Variants in DYNLRB1 observed in about 807,000 individuals in gnomAD.
DYNLRB1 encodes ROBL/LC7-like 1.
In DYNLRB1, 6 loss-of-function variants were observed where a neutral mutation model predicts 13.5. That is an observed-to-expected ratio of 0.44 (90% CI 0.24 to 0.88). DYNLRB1 has a LOEUF of 0.88. Among genes scored for constraint, DYNLRB1 ranks in the 40% least tolerant of loss-of-function variants. The pLI, the probability that DYNLRB1 is intolerant of heterozygous loss-of-function variation, is 0.21. For missense variants in DYNLRB1, 93 were observed against 127.2 expected (o/e 0.73, Z 1.29); for synonymous variants, 43 against 45.0 (o/e 0.96, Z 0.18).
chr20:34,526,507 T>TTC (rs10684716), intron 2 of DYNLRB1, 164 bp downstream of exon 2: 9 of 630,184 alleles, frequency 1.4e-5, no homozygotes, highest in East Asian at 2.9e-5. Flanking sequence ...TTTTTTTTTT[T>TTC]CATTAAGGCT....
At chr20:34,535,536 G>T (rs1343450947) in intron 3 of DYNLRB1, 1 of 788,104 alleles carries the variant, frequency 1.3e-6, no homozygotes, top group Non-Finnish European at 1.5e-6. Flanking sequence ...CACATCTCCT[G>T]CCCGGCTCCC....
chr20:34,525,244 G>A (rs1400186738), intron 1 of DYNLRB1, among the ~76,000 whole-genome samples: 2 of 152,156 alleles, frequency 1.3e-5, no homozygotes, highest in African/African-American at 4.8e-5. Context: ...CCTTTGAGGG[G>A]CTTCTGACTG....
In DYNLRB1 at chr20:34,516,715, A is replaced by G. The variant is rs771308482; in HGVS notation, c.3+254A>G. On this transcript the variant is annotated intron_variant, in intron 1 of 3. Coordinates refer to ENST00000357156, the MANE Select transcript of DYNLRB1 (RefSeq NM_014183.4). ...GGAGCCCAGCCTCGGCCAGGAAGAG[A>G]TGATGGGCGAGGGGTGGGCGGCGGC... The G allele has an allele frequency of 5.2e-6, 8 of 1,533,444 alleles. No homozygotes were observed. In the South Asian group the frequency reaches 9.8e-5, roughly 19 times the overall value. 95.0% of individuals were successfully genotyped at this position (1,533,444 alleles called of 1,614,324 possible). A position where few individuals can be genotyped will look rare whatever the true frequency, so the allele number is the denominator to read the frequency against.
intron 2 of DYNLRB1, among the ~76,000 whole-genome samples, chr20:34,528,461 G>A (rs1213541446): frequency 6.6e-6 from 1 of 152,060 alleles, no homozygotes; most frequent in Non-Finnish European, 1.5e-5. Flanking sequence ...AGGAAGACCA[G>A]GACCATGCCT....
chr20:34,534,582 A>C, intron 2 of DYNLRB1, 46 bp from the exon 3 acceptor site: 1 of 1,520,468 alleles, frequency 6.6e-7, no homozygotes, highest in Non-Finnish European at 8.8e-7. Flanking sequence ...GGAGCTCGGC[A>C]GAAGGGGCTC....
Position 34,526,551 on chromosome 20 carries a change from A to G in DYNLRB1, c.79+208A>G, listed in dbSNP as rs1264971520. 15 of 543,184 alleles carry G rather than the reference A, an allele frequency of 2.8e-5. 1 individual carries two copies. Among genetic ancestry groups the G allele is most frequent in the East Asian group, 3.0e-5 (1 of 33,336 alleles). 33.6% of individuals were successfully genotyped at this position (543,184 alleles called of 1,614,324 possible). A position where few individuals can be genotyped will look rare whatever the true frequency, so the allele number is the denominator to read the frequency against. ...GAAGCAGCGGGAGTGGAGAAGGGAC[A>G]AAGAAATCGGTAACTGGTTGTGAGC... On this transcript the variant is annotated intron_variant, in intron 2 of 3. Transcript: ENST00000357156.
intron 1 of DYNLRB1, among the ~76,000 whole-genome samples, chr20:34,523,927 T>A (rs1979959723): frequency 6.6e-6 from 1 of 152,214 alleles, no homozygotes; most frequent in Admixed American, 6.5e-5. Flanking sequence ...GGGGGCTGTT[T>A]TGGATTTAGA....
intron 1 of DYNLRB1, 142 bp from the exon 2 acceptor site, chr20:34,526,126 T>TG: frequency 1.2e-6 from 1 of 834,310 alleles, no homozygotes; most frequent in South Asian, 1.6e-5. Context: ...CAGATCAGCC[T>TG]GGGGAACTTT....
At chr20:34,540,283 CAG>C (rs983404067) in intron 3 of DYNLRB1, among the ~76,000 whole-genome samples, 1 of 152,202 alleles carries the variant, frequency 6.6e-6, no homozygotes, top group African/African-American at 2.4e-5. Context: ...ACCTGGAAAA[CAG>C]GGGTGAGAAT....
chr20:34,522,027 C>G lies in DYNLRB1; in HGVS notation c.4-4241C>G, dbSNP rs546650660. On this transcript the variant is annotated intron_variant, in intron 1 of 3. Coordinates refer to ENST00000357156, the MANE Select transcript of DYNLRB1 (RefSeq NM_014183.4). ...CACGCCTGGGTGACAGAGTGAGACC[C>G]TATCTCAAAAAAAAAAAAGATTACA... Among the ~76,000 whole-genome samples the G allele has an allele frequency of 3.4e-3, 513 of 151,718 alleles. 1 individual carries two copies. Among genetic ancestry groups the G allele is most frequent in the Non-Finnish European group, 5.4e-3 (370 of 67,892 alleles).
intron 3 of DYNLRB1, among the ~76,000 whole-genome samples, chr20:34,538,751 C>G (rs1233610845): frequency 6.6e-6 from 1 of 152,180 alleles, no homozygotes; most frequent in African/African-American, 2.4e-5. Context: ...AGCCCATCTT[C>G]GTGGGAAGAA....
At chr20:34,532,034 G>C (rs17091883) in intron 2 of DYNLRB1, among the ~76,000 whole-genome samples, 3 of 152,152 alleles carry the variant, frequency 2.0e-5, no homozygotes, top group Admixed American at 2.0e-4. Context: ...GCTAAGGGGC[G>C]GGTTCCCGGC....
At position 34,536,261 on chromosome 20, in the gene DYNLRB1, C is replaced by A. The variant is rs897944431; in HGVS notation, c.247+1466C>A. On this transcript the variant is annotated intron_variant, in intron 3 of 3. Transcript: ENST00000357156. ...CACAAGCATGACCCTGGGCAAGTCG[C>A]AGAACACCTGCAAATCCACATCTGT... 45 of 985,294 alleles carry A rather than the reference C, an allele frequency of 4.6e-5. No homozygotes were observed. In the African/African-American group the frequency reaches 7.7e-4, roughly 17 times the overall value. 61.0% of individuals were successfully genotyped at this position (985,294 alleles called of 1,614,324 possible).
chr20:34,520,895 T>C, intron 1 of DYNLRB1, among the ~76,000 whole-genome samples: 1 of 152,246 alleles, frequency 6.6e-6, no homozygotes, highest in East Asian at 1.9e-4. Context: ...GACCAGTGCT[T>C]TTATGGTTCT....
chr20:34,523,288 C>G (rs1979911310), intron 1 of DYNLRB1, among the ~76,000 whole-genome samples: 1 of 152,178 alleles, frequency 6.6e-6, no homozygotes, highest in South Asian at 2.1e-4. Flanking sequence ...CCCTGCTGTC[C>G]CTTCTCCCCA....
chr20:34,520,617 T>G (rs1332258364), intron 1 of DYNLRB1, among the ~76,000 whole-genome samples: 1 of 152,088 alleles, frequency 6.6e-6, no homozygotes, highest in East Asian at 1.9e-4. Flanking sequence ...CCAGCTAATT[T>G]TTGTATTTTT....
At chr20:34,516,881 A>G (rs1375570372) in intron 1 of DYNLRB1, 2 of 1,508,188 alleles carry the variant, frequency 1.3e-6, no homozygotes, top group Non-Finnish European at 1.8e-6. Context: ...TGTGAGGTAG[A>G]TACAATCTTT....
intron 2 of DYNLRB1, chr20:34,530,834 G>A (rs961092776): frequency 6.6e-6 from 1 of 152,198 alleles, no homozygotes; most frequent in African/African-American, 2.4e-5. Context: ...CTTTCTTGAG[G>A]ACACCCTCAC....
chr20:34,534,932 C>G (rs1981022903), intron 3 of DYNLRB1, 137 bp downstream of exon 3: 2 of 1,521,578 alleles, frequency 1.3e-6, no homozygotes, highest in Middle Eastern at 1.7e-4. Context: ...GGGTTGTTGC[C>G]TCACTGCCTA....
Sources: gnomAD v4.1 joint callset for allele counts (sites outside exome capture counted in the v4.1 genomes callset) on GRCh38, gnomAD v4.1.1 for gene constraint, MANE v1.5 for transcripts, NCBI Gene and HGNC (gene_info 2026-07-23, HGNC 2026-07-21) for gene names.